Variants in PDILT observed in about 807,000 individuals in gnomAD.
PDILT encodes the protein protein disulfide-isomerase-like protein of the testis.
Under a neutral mutation model 53.7 loss-of-function variants are expected in PDILT, and 43 were observed. That is an observed-to-expected ratio of 0.80 (90% CI 0.63 to 1.03). The LOEUF (loss-of-function observed/expected upper bound fraction) is 1.03, where lower values mean the gene tolerates loss of function less well. Among genes scored for constraint, PDILT ranks in the 50% least tolerant of loss-of-function variants. PDILT has a pLI of 0.00. For synonymous variants in PDILT, 282 were observed against 274.2 expected, an observed-to-expected ratio of 1.03 and a Z score of -0.28; for missense variants, 727 against 712.3, an observed-to-expected ratio of 1.02 and a Z score of -0.24.
chr16:20,383,227 C>A (rs1966485502), intron 3 of PDILT, among the ~76,000 whole-genome samples: 1 of 152,170 alleles, frequency 6.6e-6, no homozygotes, highest in African/African-American at 2.4e-5. Context: ...TTCTCTCCTG[C>A]CCTTCAGGAG....
intron 2 of PDILT, among the ~76,000 whole-genome samples, chr16:20,395,813 C>T (rs953039487): frequency 1.3e-5 from 2 of 152,206 alleles, no homozygotes; most frequent in Non-Finnish European, 2.9e-5. Context: ...CTGCTCCTCT[C>T]TCTTGTTCCC....
chr16:20,375,907 C>T (rs1261513453), intron 4 of PDILT, among the ~76,000 whole-genome samples, 161 bp downstream of exon 4: 2 of 152,212 alleles, frequency 1.3e-5, no homozygotes, highest in Non-Finnish European at 2.9e-5. Context: ...CTTTTCTTTC[C>T]ATTCCTGTTC....
chr16:20,387,397 G>T (rs1412868245), intron 2 of PDILT, among the ~76,000 whole-genome samples: 2 of 152,146 alleles, frequency 1.3e-5, no homozygotes, highest in East Asian at 3.9e-4. Context: ...CCTGGTAAAG[G>T]GCCAGTGTAT....
chr16:20,378,142 A>G (rs1273098536), intron 3 of PDILT, among the ~76,000 whole-genome samples: 2 of 152,236 alleles, frequency 1.3e-5, no homozygotes, highest in African/African-American at 2.4e-5. Context: ...CCTTCGTTAT[A>G]TTTGTTTTAT....
Position 20,372,710 on chromosome 16 carries a change from T to C in PDILT, c.918+92A>G. ...AGTGCCAATCTTTCCTGATTCAATTTATAATAAGCAGGGCAGGCAAATGGG... is the reference window on the plus strand; with the variant it reads ...AGTGCCAATCTTTCCTGATTCAATTCATAATAAGCAGGGCAGGCAAATGGG... On this transcript the variant is annotated intron_variant, in intron 7 of 11. Transcript: ENST00000302451. The C allele has an allele frequency of 2.8e-6, 4 of 1,426,446 alleles. No individual in the cohort carries two copies. In the South Asian group the frequency reaches 4.5e-5, roughly 16 times the overall value. The allele number at this position is 1,426,446 out of a possible 1,614,324, so 88.4% of individuals were successfully genotyped here. A position where few individuals can be genotyped will look rare whatever the true frequency, so the allele number is the denominator to read the frequency against.
chr16:20,396,286 C>T (rs1026489853), intron 2 of PDILT, among the ~76,000 whole-genome samples: 8 of 152,210 alleles, frequency 5.3e-5, no homozygotes, highest in Admixed American at 6.5e-5. Flanking sequence ...TACACTCAGT[C>T]TTGCCTGGAT....
In PDILT at chr16:20,399,220, A is replaced by G. The variant is rs962815661; in HGVS notation, c.81T>C (p.Gly27=). ...AVHSSPEVNA[G]VSSIHITKPV... ...GCTTGGTTATGTGGATGCTGGAAAC[A>G]CCGGCGTTAACCTCTGGTGAGCTGT... The change falls in exon 2 of 12, where the codon GGT becomes GGC. Residue 27 remains glycine, a synonymous_variant. Coordinates refer to ENST00000302451, the MANE Select transcript of PDILT (RefSeq NM_174924.2). 6.2e-7 allele frequency: 1 copy of G among 1,614,010 alleles called. No individual in the cohort carries two copies. Among genetic ancestry groups the G allele is most frequent in the African/African-American group, 1.3e-5 (1 of 74,912 alleles).
intron 3 of PDILT, among the ~76,000 whole-genome samples, chr16:20,380,766 C>G (rs1486998493): frequency 6.6e-6 from 1 of 152,242 alleles, no homozygotes; most frequent in Non-Finnish European, 1.5e-5. Flanking sequence ...CTTAAGAAAT[C>G]TTTCTAGAAT....
chr16:20,378,582 G>GT (rs1190140499), intron 3 of PDILT, among the ~76,000 whole-genome samples: 1 of 152,060 alleles, frequency 6.6e-6, no homozygotes, highest in Admixed American at 6.6e-5. Context: ...CGTGCATTAG[G>GT]TATTTGTCCT....
chr16:20,372,562 A>G (rs1966322072), intron 7 of PDILT, among the ~76,000 whole-genome samples: 1 of 152,244 alleles, frequency 6.6e-6, no homozygotes, highest in African/African-American at 2.4e-5. Context: ...AGAAGAGTGA[A>G]GAAGTGTAGA....
In PDILT at chr16:20,362,456, A is replaced by C. The variant is rs1318332120; in HGVS notation, c.1364T>G (p.Met455Arg). 6.2e-7 allele frequency: 1 copy of C among 1,614,246 alleles called. No individual in the cohort carries two copies. Among genetic ancestry groups the C allele is most frequent in the Non-Finnish European group, 8.5e-7 (1 of 1,180,040 alleles). The change falls in exon 10 of 12, where the codon ATG becomes AGG. Residue 455 changes from methionine (M) to arginine (R), a missense_variant. Physicochemically the swap from Met to Arg is moderately conservative, Grantham distance 91 (BLOSUM62 -1). Transcript: ENST00000302451. ...GAAGAATGGGTACCGGTCCAGGTACATCAGCTGAATGTCATTTGCTGTGAC... is the reference window on the plus strand; with the variant it reads ...GAAGAATGGGTACCGGTCCAGGTACCTCAGCTGAATGTCATTTGCTGTGAC... ...IDVTANDIQL[M>R]YLDRYPFFRL...
At chr16:20,396,667 C>G (rs965985611) in intron 2 of PDILT, among the ~76,000 whole-genome samples, 7 of 152,224 alleles carry the variant, frequency 4.6e-5, no homozygotes, top group African/African-American at 1.4e-4. Context: ...AAGTTCAAAC[C>G]ATTACTTCTC....
chr16:20,392,397 CT>C (rs1966615972), intron 2 of PDILT, among the ~76,000 whole-genome samples: 1 of 152,182 alleles, frequency 6.6e-6, no homozygotes, highest in African/African-American at 2.4e-5. Context: ...CCCCCAACCA[CT>C]GGCTCTTGGC....
chr16:20,370,975 C>A (rs543996271), intron 7 of PDILT, among the ~76,000 whole-genome samples: 2 of 152,324 alleles, frequency 1.3e-5, no homozygotes, highest in Non-Finnish European at 2.9e-5. Context: ...ATAAAAATGG[C>A]AACCAGCCGC....
chr16:20,359,499 C>A lies in PDILT; in HGVS notation c.1575G>T (p.Met525Ile), dbSNP rs540790184. 3 of 1,613,974 alleles carry A rather than the reference C, an allele frequency of 1.9e-6. No homozygotes were observed. The African/African-American group carries it at 4.0e-5, about 22-fold the overall frequency. The change falls in exon 12 of 12, where the codon ATG becomes ATT. Residue 525 changes from methionine (M) to isoleucine (I), a missense_variant. Met to Ile is a conservative substitution (Grantham distance 10, BLOSUM62 1). Coordinates refer to ENST00000302451, the MANE Select transcript of PDILT (RefSeq NM_174924.2). ...EVLAEEKEVPMMRKGLPEQQS... is the reference protein window; with the variant it reads ...EVLAEEKEVPIMRKGLPEQQS... Reference sequence around the variant, plus strand: ...GCTGTTCAGGTAACCCTTTCCTCATCATAGGCACCTCCTTTTCCTCAGCTA... The same window carrying A: ...GCTGTTCAGGTAACCCTTTCCTCATAATAGGCACCTCCTTTTCCTCAGCTA...
At chr16:20,398,769 GT>G (rs1567332760) in intron 2 of PDILT, among the ~76,000 whole-genome samples, 1 of 152,078 alleles carries the variant, frequency 6.6e-6, no homozygotes, top group African/African-American at 2.4e-5. Context: ...GTGTCATTAG[GT>G]TCACACCCAT....
intron 3 of PDILT, among the ~76,000 whole-genome samples, chr16:20,381,081 A>C (rs1162177473): frequency 6.6e-6 from 1 of 152,234 alleles, no homozygotes; most frequent in Non-Finnish European, 1.5e-5. Context: ...CTGTGGCTGC[A>C]TCATTAATAG....
chr16:20,375,934 C>T (rs1281096598), intron 4 of PDILT, 134 bp downstream of exon 4: 2 of 1,115,282 alleles, frequency 1.8e-6, no homozygotes, highest in Middle Eastern at 3.1e-4. Flanking sequence ...ACCCTTGGAG[C>T]TTCCCCTAAA....
chr16:20,379,687 A>G (rs1966435436), intron 3 of PDILT, among the ~76,000 whole-genome samples: 1 of 152,214 alleles, frequency 6.6e-6, no homozygotes, highest in Non-Finnish European at 1.5e-5. Flanking sequence ...GTGTATAGCC[A>G]GCAGGAGAAT....
Sources: gnomAD v4.1 joint callset for allele counts (sites outside exome capture counted in the v4.1 genomes callset) on GRCh38, gnomAD v4.1.1 for gene constraint, MANE v1.5 for transcripts, NCBI Gene and HGNC (gene_info 2026-07-23, HGNC 2026-07-21) for gene names.